CHORDC1: variants seen among roughly 807,000 people sequenced by gnomAD.
The protein encoded by CHORDC1 is cysteine and histidine rich domain containing 1.
A neutral mutation model predicts 48.3 loss-of-function variants in CHORDC1; 25 were observed. That is an observed-to-expected ratio of 0.52 (90% confidence interval 0.38 to 0.72). The LOEUF (loss-of-function observed/expected upper bound fraction) is 0.72. Among genes scored for constraint, CHORDC1 ranks in the 30% least tolerant of loss-of-function variants. The pLI, the probability that CHORDC1 is intolerant of heterozygous loss-of-function variation, is 0.00. For missense variants in CHORDC1, 317 were observed against 388.7 expected (o/e 0.82, Z 1.55); for synonymous variants, 128 against 126.4 (o/e 1.01, Z -0.09).
Position 90,202,259 on chromosome 11 carries a change from C to T in CHORDC1, c.*146G>A. On this transcript the variant is annotated 3_prime_UTR_variant, in exon 11 of 11. Transcript: ENST00000320585. Reference sequence around the variant, plus strand: ...TGAGAGGCACAAAAAGACAAACTGACTTTGGCTTTTAAGAACCTAATGTTA... The same window carrying T: ...TGAGAGGCACAAAAAGACAAACTGATTTTGGCTTTTAAGAACCTAATGTTA... 1.4e-6 allele frequency: 1 copy of T among 694,718 alleles called. No homozygotes were observed. Among genetic ancestry groups the T allele is most frequent in the Non-Finnish European group, 2.4e-6 (1 of 410,086 alleles). 43.0% of individuals were successfully genotyped at this position (694,718 alleles called of 1,614,324 possible). A position where few individuals can be genotyped will look rare whatever the true frequency, so the allele number is the denominator to read the frequency against.
intron 4 of CHORDC1, 36 bp from the exon 5 acceptor site, chr11:90,211,354 A>G: frequency 7.8e-7 from 1 of 1,285,624 alleles, no homozygotes; most frequent in South Asian, 1.2e-5. Context: ...CATTATTAAT[A>G]TACCAAAATA....
Position 90,206,279 on chromosome 11 carries a change from A to C in CHORDC1, c.493-7T>G, listed in dbSNP as rs75626508. 7.6e-4 allele frequency: 1,130 copies of C among 1,495,524 alleles called. 6 individuals carry two copies. The African/African-American group carries it at 0.014, about 18-fold the overall frequency. The allele number at this position is 1,495,524 out of a possible 1,614,324, so 92.6% of individuals were successfully genotyped here. A position where few individuals can be genotyped will look rare whatever the true frequency, so the allele number is the denominator to read the frequency against. On this transcript the variant is annotated splice_polypyrimidine_tract_variant and splice_region_variant and intron_variant, in intron 6 of 10. Transcript: ENST00000320585. ...TCTCTAGACCCTGGTATGTCTAAAA[A>C]GGAAACAAAGAGAAAAAAAATTAGC...
chr11:90,203,406 T>G lies in CHORDC1; in HGVS notation c.691A>C (p.Arg231=). ...KDAGKKVVPC[R]HDWHQTGGEV... Reference sequence around the variant, plus strand: ...CCTCCAGTCTGATGCCAGTCATGTCTACATGGAACAACTTTTTTCCCCTGT... The same window carrying G: ...CCTCCAGTCTGATGCCAGTCATGTCGACATGGAACAACTTTTTTCCCCTGT... The change falls in exon 9 of 11, where the codon AGA becomes CGA. Residue 231 remains arginine, a synonymous_variant. Coordinates refer to ENST00000320585, the MANE Select transcript of CHORDC1 (RefSeq NM_012124.3). The G allele has an allele frequency of 6.4e-7, 1 of 1,570,760 alleles. No homozygotes were observed. The highest frequency in any genetic ancestry group is 8.7e-7 in the Non-Finnish European group (1 of 1,149,720).
At chr11:90,215,622 ATAG>A (rs1332374795) in intron 2 of CHORDC1, among the ~76,000 whole-genome samples, 3 of 128,250 alleles carry the variant, frequency 2.3e-5, no homozygotes, top group Non-Finnish European at 5.2e-5. Context: ...TAAGTTAAAG[ATAG>A]TAACTATCTT....
chr11:90,215,706 A>C (rs1857992010), intron 2 of CHORDC1, among the ~76,000 whole-genome samples: 1 of 152,090 alleles, frequency 6.6e-6, no homozygotes, highest in South Asian at 2.1e-4. Context: ...CAGCAGCTAA[A>C]GCACTATTAA....
chr11:90,201,014 T>A lies in CHORDC1; in HGVS notation c.*1391A>T, dbSNP rs10741326. The stretch of plus-strand genomic sequence containing the variant: ...GTAATGTAACATCATGAAAGTCTGG[T>A]TGCCAGATCTTTATGTTTTTATTTG... On this transcript the variant is annotated 3_prime_UTR_variant, in exon 11 of 11. Coordinates refer to ENST00000320585, the MANE Select transcript of CHORDC1 (RefSeq NM_012124.3). 1 of 151,670 alleles carries A rather than the reference T, an allele frequency of 6.6e-6. No homozygotes were observed. The highest frequency in any genetic ancestry group is 1.9e-4 in the East Asian group (1 of 5,162). 9.4% of individuals were successfully genotyped at this position (151,670 alleles called of 1,614,324 possible). A position where few individuals can be genotyped will look rare whatever the true frequency, so the allele number is the denominator to read the frequency against.
chr11:90,216,756 T>C (rs1024780995), intron 2 of CHORDC1, among the ~76,000 whole-genome samples: 2 of 152,136 alleles, frequency 1.3e-5, no homozygotes, highest in African/African-American at 2.4e-5. Flanking sequence ...CAGACTACTT[T>C]TGGAATAAAC....
At chr11:90,210,678 G>A in intron 5 of CHORDC1, 84 bp from the exon 6 acceptor site, 1 of 772,674 alleles carries the variant, frequency 1.3e-6, no homozygotes, top group Non-Finnish European at 2.1e-6. Context: ...GGTTTTTCCA[G>A]AAAACAATAC....
At chr11:90,217,955 G>A in intron 2 of CHORDC1, 180 bp downstream of exon 2, 2 of 393,734 alleles carry the variant, frequency 5.1e-6, no homozygotes, top group Non-Finnish European at 4.6e-6. Flanking sequence ...AAGACCTTAA[G>A]ATCATCATCT....
At chr11:90,222,801 G>C in intron 1 of CHORDC1, 90 bp downstream of exon 1, 1 of 1,200,506 alleles carries the variant, frequency 8.3e-7, no homozygotes, top group Non-Finnish European at 1.2e-6. Flanking sequence ...GAGGACGGCT[G>C]CAGGAGATCC....
rs1205729930 is a variant in CHORDC1, at chr11:90,219,848, C to A, written c.65-1664G>T. ...TCTCAGCAATTTGCAAGATGGAGTA[C>A]TATATTTTTAAAAATCAGGTAACAG... On this transcript the variant is annotated intron_variant, in intron 1 of 10. Transcript: ENST00000320585. Among the ~76,000 whole-genome samples the A allele has an allele frequency of 4.6e-5, 7 of 152,148 alleles. No individual in the cohort carries two copies. In the South Asian group the frequency reaches 1.2e-3, roughly 27 times the overall value.
At position 90,210,438 on chromosome 11, in the gene CHORDC1, T is replaced by C. The variant is rs113366721; in HGVS notation, c.492+98A>G. The C allele has an allele frequency of 7.4e-5, 54 of 727,962 alleles. No individual in the cohort carries two copies. The African/African-American group carries it at 8.2e-4, about 11-fold the overall frequency. 45.1% of individuals were successfully genotyped at this position (727,962 alleles called of 1,614,324 possible). A position where few individuals can be genotyped will look rare whatever the true frequency, so the allele number is the denominator to read the frequency against. On this transcript the variant is annotated intron_variant, in intron 6 of 10. Coordinates refer to ENST00000320585, the MANE Select transcript of CHORDC1 (RefSeq NM_012124.3). ...CCCCAGCATAATGTTCAATATATAA[T>C]ATGCATGCAAATGTTTGTTGAATTG...
intron 1 of CHORDC1, chr11:90,222,635 T>C (rs904526848): frequency 5.9e-6 from 4 of 679,668 alleles, no homozygotes; most frequent in Non-Finnish European, 1.1e-5. Context: ...GGGAAACACG[T>C]GGATCCATGG....
Position 90,202,357 on chromosome 11 carries a change from G to T in CHORDC1, c.*48C>A, listed in dbSNP as rs1218145244. 1.4e-5 allele frequency: 22 copies of T among 1,548,192 alleles called. No individual in the cohort carries two copies. Among genetic ancestry groups the T allele is most frequent in the Non-Finnish European group, 1.9e-5 (21 of 1,124,324 alleles). On this transcript the variant is annotated 3_prime_UTR_variant, in exon 11 of 11. Coordinates refer to ENST00000320585, the MANE Select transcript of CHORDC1 (RefSeq NM_012124.3). ...CAGCAGCAAGCCACCACTTCACACA[G>T]TATTAAAAATTCGGAAATAATGTAA...
chr11:90,218,036 A>C, intron 2 of CHORDC1, 99 bp downstream of exon 2: 1 of 845,352 alleles, frequency 1.2e-6, no homozygotes, highest in Non-Finnish European at 1.8e-6. Context: ...TTAAGAAGAA[A>C]GTCACTAGCT....
intron 1 of CHORDC1, chr11:90,222,500 C>T (rs1387867091): frequency 7.6e-6 from 3 of 397,142 alleles, no homozygotes; most frequent in Middle Eastern, 8.3e-4. Context: ...ATCACTACTT[C>T]GGGAACTACA....
chr11:90,208,585 CA>C (rs1857771132), intron 6 of CHORDC1: 1 of 151,502 alleles, frequency 6.6e-6, no homozygotes, highest in Admixed American at 6.6e-5. Context: ...ATAAATAAAA[CA>C]AGCATTATTA....
intron 2 of CHORDC1, among the ~76,000 whole-genome samples, chr11:90,215,621 G>A (rs779909945): frequency 7.7e-6 from 1 of 130,206 alleles, no homozygotes; most frequent in Non-Finnish European, 1.7e-5. Flanking sequence ...TTAAGTTAAA[G>A]ATAGTAACTA....
chr11:90,215,003 A>C (rs968756745), intron 3 of CHORDC1, among the ~76,000 whole-genome samples, 171 bp downstream of exon 3: 2 of 152,006 alleles, frequency 1.3e-5, no homozygotes, highest in Non-Finnish European at 2.9e-5. Flanking sequence ...TCCAAAACAG[A>C]TTCTTTATTT....
Sources: gnomAD v4.1 joint callset for allele counts (sites outside exome capture counted in the v4.1 genomes callset) on GRCh38, gnomAD v4.1.1 for gene constraint, MANE v1.5 for transcripts, NCBI Gene and HGNC (gene_info 2026-07-23, HGNC 2026-07-21) for gene names.